Variants in CYLD observed in about 807,000 individuals in gnomAD.
CYLD encodes CYLD lysine 63 deubiquitinase.
Under a neutral mutation model 104.5 loss-of-function variants are expected in CYLD, and 26 were observed. The ratio of observed to expected loss-of-function variants is 0.25; its 90% CI spans 0.18 to 0.35. The LOEUF is 0.35. Among genes scored for constraint, CYLD ranks in the 10% least tolerant of loss-of-function variants. CYLD has a pLI of 1.00. For synonymous variants in CYLD, 385 were observed against 399.9 expected (o/e 0.96, Z 0.45); for missense variants, 703 against 1,136.1 (o/e 0.62, Z 5.48).
At position 50,777,932 on chromosome 16, in the gene CYLD, ATTG is replaced by A. The variant is rs1969851513; in HGVS notation, c.1130_1132del (p.Ile377_Asp378delinsAsn). The A allele has an allele frequency of 6.6e-7, 1 of 1,516,280 alleles. No individual in the cohort carries two copies. The highest frequency in any genetic ancestry group is 1.4e-5 in the African/African-American group (1 of 72,994). The allele number at this position is 1,516,280 out of a possible 1,614,324, so 93.9% of individuals were successfully genotyped here. On this transcript the variant is annotated inframe_deletion, in exon 8 of 19. Coordinates refer to ENST00000427738, the MANE Select transcript of CYLD (RefSeq NM_001378743.1). ...ATCCAAATCAAAAAATACATGGTAC[ATTG>A]ATGAAGGTAATCAGTAATTTTAGTG...
intron 5 of CYLD, 122 bp downstream of exon 5, chr16:50,754,546 G>A: frequency 1.4e-6 from 1 of 709,326 alleles, no homozygotes; most frequent in Middle Eastern, 3.9e-4. Flanking sequence ...GTTCTTTCGT[G>A]GTGATTTCTG....
intron 5 of CYLD, among the ~76,000 whole-genome samples, chr16:50,764,057 A>G (rs913271018): frequency 2.0e-5 from 3 of 152,172 alleles, no homozygotes; most frequent in African/African-American, 7.2e-5. Context: ...CCATGATGTA[A>G]ACCCAACCTC....
At chr16:50,776,721 C>T (rs1446668352) in intron 7 of CYLD, among the ~76,000 whole-genome samples, 1 of 152,196 alleles carries the variant, frequency 6.6e-6, no homozygotes, top group African/African-American at 2.4e-5. Flanking sequence ...GAAGCTTCCT[C>T]ACAATATGTG....
chr16:50,755,102 T>TAC (rs1966977458), intron 5 of CYLD, among the ~76,000 whole-genome samples: 1 of 119,144 alleles, frequency 8.4e-6, no homozygotes, highest in African/African-American at 4.2e-5. Flanking sequence ...TACATACATA[T>TAC]ATACACACAT....
chr16:50,789,722 A>G (rs915035941), intron 14 of CYLD, among the ~76,000 whole-genome samples: 4 of 152,230 alleles, frequency 2.6e-5, no homozygotes, highest in Admixed American at 6.5e-5. Flanking sequence ...AAATAGGAGG[A>G]TAAGTACCTT....
intron 5 of CYLD, among the ~76,000 whole-genome samples, chr16:50,774,250 T>A (rs1969435449): frequency 6.6e-6 from 1 of 152,216 alleles, no homozygotes; most frequent in Non-Finnish European, 1.5e-5. Flanking sequence ...AAGATTTTCC[T>A]TCTGAAGTAT....
chr16:50,794,170 C>G lies in CYLD; in HGVS notation c.2470-42C>G, dbSNP rs1267205064. ...CTTGAACTCCTGACCTCGTGATCCA[C>G]CAGCCTCGGCCTAATGACATTCTTT... On this transcript the variant is annotated intron_variant, in intron 17 of 18. Transcript: ENST00000427738. This position sits in a 1 kb window ranked among gnomAD's most constrained non-coding sequence, Gnocchi z 4.1. 1.3e-6 allele frequency: 2 copies of G among 1,564,202 alleles called. No homozygotes were observed. The highest frequency in any genetic ancestry group is 2.7e-5 in the African/African-American group (2 of 73,908).
intron 5 of CYLD, among the ~76,000 whole-genome samples, chr16:50,767,225 A>C (rs906187402): frequency 2.6e-5 from 4 of 152,210 alleles, no homozygotes; most frequent in Non-Finnish European, 4.4e-5. Context: ...GGCTCAGATA[A>C]TCATTAACAT....
rs183669792 is a variant in CYLD, at chr16:50,765,082, A to T, written c.914-10084A>T. 2.5e-3 allele frequency among the ~76,000 whole-genome samples: 375 copies of T among 152,310 alleles called. 2 individuals carry two copies. Among genetic ancestry groups the T allele is most frequent in the Non-Finnish European group, 2.7e-3 (182 of 68,014 alleles). The stretch of plus-strand genomic sequence containing the variant: ...AAATGTAATTTCACTTGTCTTACGA[A>T]ATCAAATACAGGCATACCTAATTTT... On this transcript the variant is annotated intron_variant, in intron 5 of 18. Coordinates refer to ENST00000427738, the MANE Select transcript of CYLD (RefSeq NM_001378743.1).
intron 5 of CYLD, among the ~76,000 whole-genome samples, chr16:50,756,429 C>A (rs1426181585): frequency 6.6e-6 from 1 of 152,204 alleles, no homozygotes. Context: ...TGTGATTGAT[C>A]AGGGATCAGG....
chr16:50,761,854 G>C (rs555445871), intron 5 of CYLD, among the ~76,000 whole-genome samples: 1 of 152,076 alleles, frequency 6.6e-6, no homozygotes, highest in East Asian at 1.9e-4. Flanking sequence ...TTTGCCCACA[G>C]GTAGAAGATA....
Position 50,796,805 on chromosome 16 carries a change from G to T in CYLD, c.*297G>T, listed in dbSNP as rs942440465. 3.0e-5 allele frequency: 12 copies of T among 401,224 alleles called. No individual in the cohort carries two copies. The highest frequency in any genetic ancestry group is 4.6e-5 in the Non-Finnish European group (10 of 216,450). The allele number at this position is 401,224 out of a possible 1,614,324, so 24.9% of individuals were successfully genotyped here. ...CATTGATCATATGATATTTTTGGAA[G>T]CATACAATTTTAATTGTGGAAGTTT... On this transcript the variant is annotated 3_prime_UTR_variant, in exon 19 of 19. Transcript: ENST00000427738.
chr16:50,767,434 C>T (rs918065745), intron 5 of CYLD, among the ~76,000 whole-genome samples: 1 of 150,184 alleles, frequency 6.7e-6, no homozygotes, highest in Admixed American at 6.6e-5. Context: ...ACAATATCTC[C>T]AGGGTGTGCC....
chr16:50,769,204 A>C (rs1195226471), intron 5 of CYLD, among the ~76,000 whole-genome samples: 1 of 152,120 alleles, frequency 6.6e-6, no homozygotes, highest in Non-Finnish European at 1.5e-5. Context: ...ACTTACCTAG[A>C]TGTGGAATGG....
rs1972365614 is a variant in CYLD, at chr16:50,800,265, A to G, written c.*3757A>G. 1 of 233,230 alleles carries G rather than the reference A, an allele frequency of 4.3e-6. No homozygotes were observed. The highest frequency in any genetic ancestry group is 2.2e-5 in the African/African-American group (1 of 45,356). 14.4% of individuals were successfully genotyped at this position (233,230 alleles called of 1,614,324 possible). A position where few individuals can be genotyped will look rare whatever the true frequency, so the allele number is the denominator to read the frequency against. ...GACTGTTCAGGAAGAGGCCTAGGAA[A>G]TCTGTGAGGGAATCCCCAGGGGAAT... is the stretch of plus-strand genomic sequence containing the variant. On this transcript the variant is annotated 3_prime_UTR_variant, in exon 19 of 19. Coordinates refer to ENST00000427738, the MANE Select transcript of CYLD (RefSeq NM_001378743.1).
rs971408707 is a variant in CYLD, at chr16:50,762,324, G to A, written c.913+7900G>A. 3.3e-5 allele frequency among the ~76,000 whole-genome samples: 5 copies of A among 152,184 alleles called. No homozygotes were observed. In the East Asian group the frequency reaches 7.7e-4, roughly 23 times the overall value. On this transcript the variant is annotated intron_variant, in intron 5 of 18. Transcript: ENST00000427738. ...ATAGTAGTCTTCTTGATAGTTTTGC[G>A]TTTTTACATTTAAGTGTGTTATTCA...
At chr16:50,755,168 CATATGTGTGTGT>C (rs1967048402) in intron 5 of CYLD, among the ~76,000 whole-genome samples, 1 of 33,422 alleles carries the variant, frequency 3.0e-5, no homozygotes, top group Non-Finnish European at 5.8e-5. Flanking sequence ...CACACGTGTA[CATATGTGTGTGT>C]ATATACACAC....
intron 14 of CYLD, among the ~76,000 whole-genome samples, chr16:50,789,060 C>A (rs1010950942): frequency 1.3e-5 from 2 of 152,088 alleles, no homozygotes; most frequent in East Asian, 3.9e-4. Context: ...GGGAAAAAAT[C>A]TTGAAGAATG....
intron 5 of CYLD, among the ~76,000 whole-genome samples, chr16:50,761,501 T>C (rs1291463775): frequency 6.6e-6 from 1 of 152,208 alleles, no homozygotes; most frequent in Admixed American, 6.5e-5. Context: ...TCTCTGTCCT[T>C]ATGACTTTGC....
Sources: allele counts gnomAD v4.1 joint callset (sites outside exome capture counted in the v4.1 genomes callset), GRCh38; gene constraint gnomAD v4.1.1; non-coding constraint Gnocchi (gnomAD v3.1); transcripts MANE v1.5; gene names NCBI Gene and HGNC (gene_info 2026-07-23, HGNC 2026-07-21).